The following GALNT13 variants were observed in gnomAD, a reference collection of about 807,000 sequenced individuals.
GALNT13 encodes UDP-GalNAc:polypeptide N-acetylgalactosaminyltransferase 13.
In GALNT13, 28 loss-of-function variants were observed where a neutral mutation model predicts 64.2. That is an observed-to-expected ratio of 0.44 (90% confidence interval 0.32 to 0.60). The LOEUF is 0.60. Ranked by LOEUF, GALNT13 falls within the 20% of genes least tolerant of loss-of-function variation. The probability of loss-of-function intolerance (pLI) is 0.05; values close to 1 mark genes in which losing one functional copy is unlikely to be tolerated. For missense variants in GALNT13, 577 were observed against 669.8 expected (o/e 0.86, Z 1.53); for synonymous variants, 214 against 224.6 (o/e 0.95, Z 0.42).
chr2:153,731,448 C>T, the GALNT13 span, among the ~76,000 whole-genome samples: 2 of 151,774 alleles, frequency 1.3e-5, no homozygotes, highest in Admixed American at 6.6e-5. Context: ...TACCACTGCA[C>T]GATATGTCTT....
At chr2:153,293,963 T>G in the GALNT13 span, among the ~76,000 whole-genome samples, 66 of 152,182 alleles carry the variant, frequency 4.3e-4, no homozygotes, top group East Asian at 7.5e-3. Flanking sequence ...ACTACAGGCA[T>G]GCACCACATT....
the GALNT13 span, among the ~76,000 whole-genome samples, chr2:153,149,924 GT>G: frequency 1.3e-5 from 2 of 151,786 alleles, no homozygotes; most frequent in Non-Finnish European, 1.5e-5. Flanking sequence ...AATGGCAGGG[GT>G]TTTTTTTGCC....
At chr2:154,130,720 A>G (rs975494712) in intron 3 of GALNT13, among the ~76,000 whole-genome samples, 1 of 152,228 alleles carries the variant, frequency 6.6e-6, no homozygotes, top group African/African-American at 2.4e-5. Context: ...CTTCCTAACT[A>G]GATGCATAGT....
At chr2:154,338,424 T>C (rs1003222614) in intron 9 of GALNT13, among the ~76,000 whole-genome samples, 4 of 152,082 alleles carry the variant, frequency 2.6e-5, no homozygotes, top group Admixed American at 6.6e-5. Flanking sequence ...CATTGAGGAA[T>C]TATGTTTTAA....
intron 8 of GALNT13, among the ~76,000 whole-genome samples, chr2:154,279,003 A>G (rs1239043537): frequency 6.6e-6 from 1 of 152,162 alleles, no homozygotes; most frequent in Non-Finnish European, 1.5e-5. Flanking sequence ...AGTTTTAAAT[A>G]TGCGGTGATA....
intron 4 of GALNT13, among the ~76,000 whole-genome samples, chr2:154,188,967 CAATT>C (rs1559014005): frequency 6.6e-6 from 1 of 152,078 alleles, no homozygotes; most frequent in Non-Finnish European, 1.5e-5. Flanking sequence ...AGTCTTGAAT[CAATT>C]ATTTAAATTT....
intron 3 of GALNT13, among the ~76,000 whole-genome samples, chr2:154,048,060 T>C (rs1291621916): frequency 6.6e-6 from 1 of 152,188 alleles, no homozygotes; most frequent in African/African-American, 2.4e-5. Flanking sequence ...TAGCTTCTAC[T>C]TCTAGGAAGG....
chr2:153,073,979 TC>T, the GALNT13 span, among the ~76,000 whole-genome samples: 2 of 152,158 alleles, frequency 1.3e-5, no homozygotes, highest in Non-Finnish European at 2.9e-5. Context: ...ATTTCCTTAC[TC>T]CCTATATTCT....
At chr2:154,387,014 T>C (rs1432512675) in intron 9 of GALNT13, among the ~76,000 whole-genome samples, 2 of 152,082 alleles carry the variant, frequency 1.3e-5, no homozygotes, top group African/African-American at 2.4e-5. Flanking sequence ...ATTATCTCAT[T>C]TTTACTCCAT....
the GALNT13 span, among the ~76,000 whole-genome samples, chr2:153,725,309 G>C: frequency 6.6e-6 from 1 of 151,404 alleles, no homozygotes; most frequent in Non-Finnish European, 1.5e-5. Context: ...ACTGTGGTGT[G>C]GAGGGGAGAG....
At chr2:153,840,211 A>G in the GALNT13 span, among the ~76,000 whole-genome samples, 1 of 152,148 alleles carries the variant, frequency 6.6e-6, no homozygotes, top group African/African-American at 2.4e-5. Flanking sequence ...ATAGCATGTA[A>G]TTGAACAGGT....
At chr2:153,813,180 C>G in the GALNT13 span, among the ~76,000 whole-genome samples, 2 of 152,030 alleles carry the variant, frequency 1.3e-5, no homozygotes, top group Non-Finnish European at 2.9e-5. Flanking sequence ...TAAGTATACA[C>G]TTTTCTGTTA....
At chr2:153,435,688 A>G in the GALNT13 span, among the ~76,000 whole-genome samples, 3 of 152,198 alleles carry the variant, frequency 2.0e-5, no homozygotes, top group South Asian at 2.1e-4. Flanking sequence ...TTGTATCCTG[A>G]GACTGCTGAA....
At chr2:154,100,602 TGGA>T (rs1283945511) in intron 3 of GALNT13, among the ~76,000 whole-genome samples, 1 of 152,122 alleles carries the variant, frequency 6.6e-6, no homozygotes, top group Non-Finnish European at 1.5e-5. Context: ...AGGAGTCCTT[TGGA>T]GGAGTCTTTT....
At chr2:153,633,988 C>G in the GALNT13 span, among the ~76,000 whole-genome samples, 1 of 151,846 alleles carries the variant, frequency 6.6e-6, no homozygotes, top group African/African-American at 2.4e-5. Flanking sequence ...AATTAGCTAC[C>G]TTTTGAGTGC....
At chr2:153,742,715 C>A in the GALNT13 span, among the ~76,000 whole-genome samples, 1 of 151,998 alleles carries the variant, frequency 6.6e-6, no homozygotes, top group African/African-American at 2.4e-5. Context: ...GATAATGGCT[C>A]CAGCTCCTCC....
intron 9 of GALNT13, among the ~76,000 whole-genome samples, chr2:154,339,876 T>C (rs1046939665): frequency 6.6e-6 from 1 of 152,170 alleles, no homozygotes; most frequent in Non-Finnish European, 1.5e-5. Context: ...AAGGATTTTA[T>C]GTTCAAACTG....
the GALNT13 span, among the ~76,000 whole-genome samples, chr2:153,745,153 C>T: frequency 1.3e-5 from 2 of 152,218 alleles, no homozygotes; most frequent in South Asian, 2.1e-4. Flanking sequence ...GGACACCAAA[C>T]AGAATACTCT....
chr2:153,109,174 G>T, the GALNT13 span, among the ~76,000 whole-genome samples: 2 of 152,130 alleles, frequency 1.3e-5, no homozygotes, highest in African/African-American at 4.8e-5. Flanking sequence ...GTATGTCATA[G>T]ACTGTGAGAC....
Sources: allele counts gnomAD v4.1 joint callset (sites outside exome capture counted in the v4.1 genomes callset), GRCh38; gene constraint gnomAD v4.1.1; transcripts MANE v1.5; gene names NCBI Gene and HGNC (gene_info 2026-07-23, HGNC 2026-07-21).